Variants in SH3RF3 observed in about 807,000 individuals in gnomAD.
The protein encoded by SH3RF3 is E3 ubiquitin-protein ligase SH3RF3.
SH3RF3 carries 29 observed loss-of-function variants against 66.3 expected under a neutral mutation model. The observed-to-expected ratio is 0.44, with a 90% CI of 0.33 to 0.60. SH3RF3 has a LOEUF of 0.60. Among genes scored for constraint, SH3RF3 ranks in the 20% least tolerant of loss-of-function variants. The pLI is 0.04. For missense variants in SH3RF3, 1,194 were observed against 1,190.9 expected, an observed-to-expected ratio of 1.00 and a Z score of -0.04; for synonymous variants, 583 against 532.0, an observed-to-expected ratio of 1.10 and a Z score of -1.32.
At chr2:109,199,622 T>TCAACCCGAGTGCA (rs1558954001) in intron 1 of SH3RF3, among the ~76,000 whole-genome samples, 2 of 132 alleles carry the variant, frequency 0.015, no homozygotes, top group African/African-American at 0.022. Flanking sequence ...TGGAATGGAA[T>TCAACCCGAGTGCA]GGAATGGAAT....
At chr2:109,133,172 AGGG>A (rs1676736315) in intron 1 of SH3RF3, among the ~76,000 whole-genome samples, 1 of 152,228 alleles carries the variant, frequency 6.6e-6, no homozygotes, top group African/African-American at 2.4e-5. Context: ...GAATTCTGTG[AGGG>A]TTACAAGGAA....
At chr2:109,435,580 T>C (rs1266032351) in intron 6 of SH3RF3, among the ~76,000 whole-genome samples, 1 of 152,196 alleles carries the variant, frequency 6.6e-6, no homozygotes, top group Non-Finnish European at 1.5e-5. Context: ...TATGTGGCTC[T>C]TCCCGTGAGG....
At chr2:109,251,883 G>T (rs942520901) in intron 1 of SH3RF3, among the ~76,000 whole-genome samples, 1 of 152,014 alleles carries the variant, frequency 6.6e-6, no homozygotes, top group South Asian at 2.1e-4. Context: ...TGGGTTCCAG[G>T]GTTCTAGACT....
chr2:109,185,726 C>T (rs894783195), intron 1 of SH3RF3, among the ~76,000 whole-genome samples: 3 of 152,320 alleles, frequency 2.0e-5, no homozygotes, highest in Admixed American at 6.5e-5. Context: ...AAGTGGGAGA[C>T]TTTAGACAGA....
intron 3 of SH3RF3, among the ~76,000 whole-genome samples, chr2:109,380,579 C>T (rs1683488921): frequency 6.6e-6 from 1 of 152,356 alleles, no homozygotes; most frequent in Admixed American, 6.5e-5. Flanking sequence ...AGCCCCTTGT[C>T]CTCGCTGCCA....
intron 1 of SH3RF3, among the ~76,000 whole-genome samples, chr2:109,257,755 C>A (rs1680255463): frequency 6.6e-6 from 1 of 152,090 alleles, no homozygotes. Flanking sequence ...CCAAGGGGCC[C>A]CAAGTGCAGA....
intron 1 of SH3RF3, among the ~76,000 whole-genome samples, chr2:109,147,615 G>T (rs898623966): frequency 6.6e-6 from 1 of 152,182 alleles, no homozygotes; most frequent in Non-Finnish European, 1.5e-5. Context: ...GTCTCATAGC[G>T]TGTTATCGAT....
Position 109,251,767 on chromosome 2 carries a change from T to A in SH3RF3, c.574-95907T>A, listed in dbSNP as rs375054124. The A allele has an allele frequency of 1.6e-5, 9 of 557,702 alleles. No homozygotes were observed. The African/African-American group carries it at 1.7e-4, about 11-fold the overall frequency. 34.5% of individuals were successfully genotyped at this position (557,702 alleles called of 1,614,324 possible). ...AGACTTTTTGTTAAATAAACTTTTGTAATAGTCAAAAAAAGAATTAGATAA... is the reference window on the plus strand; with the variant it reads ...AGACTTTTTGTTAAATAAACTTTTGAAATAGTCAAAAAAAGAATTAGATAA... On this transcript the variant is annotated intron_variant, in intron 1 of 9. Transcript: ENST00000309415.
rs1675923467 is a variant in SH3RF3, at chr2:109,389,530, G to A, written c.946-9060G>A. On this transcript the variant is annotated intron_variant, in intron 3 of 9. Coordinates refer to ENST00000309415, the MANE Select transcript of SH3RF3 (RefSeq NM_001099289.3). ...TCTATTCCGTTTCTTAAAAAGGCCGGTCAGGACCCAATCAATGGATCGTTT... is the reference window on the plus strand; with the variant it reads ...TCTATTCCGTTTCTTAAAAAGGCCGATCAGGACCCAATCAATGGATCGTTT... Among the ~76,000 whole-genome samples the A allele has an allele frequency of 3.9e-5, 6 of 152,262 alleles. No homozygotes were observed. The South Asian group carries it at 1.2e-3, about 32-fold the overall frequency.
intron 1 of SH3RF3, among the ~76,000 whole-genome samples, chr2:109,288,321 C>T (rs114755779): frequency 5.5e-4 from 84 of 152,268 alleles, no homozygotes; most frequent in African/African-American, 1.9e-3. Context: ...GCATGGAGTC[C>T]GGGGAGTTGC....
At chr2:109,472,110 TATTATTA>T (rs922961343) in intron 8 of SH3RF3, among the ~76,000 whole-genome samples, 35 of 152,328 alleles carry the variant, frequency 2.3e-4, no homozygotes, top group African/African-American at 8.4e-4. Flanking sequence ...GATTGTTAAT[TATTATTA>T]ATTAGTTAAT....
chr2:109,419,513 T>C (rs748145787), intron 4 of SH3RF3, 26 bp from the exon 5 acceptor site: 3 of 1,568,554 alleles, frequency 1.9e-6, no homozygotes, highest in South Asian at 2.3e-5. Flanking sequence ...GTCTCCTCAC[T>C]CCTGTCCCCT....
intron 1 of SH3RF3, among the ~76,000 whole-genome samples, chr2:109,238,669 A>G (rs1299103273): frequency 6.6e-6 from 1 of 152,050 alleles, no homozygotes; most frequent in South Asian, 2.1e-4. Flanking sequence ...GGAGGAGGAG[A>G]GTGCTCACAG....
At chr2:109,248,285 T>C (rs955299694) in intron 1 of SH3RF3, among the ~76,000 whole-genome samples, 1 of 152,248 alleles carries the variant, frequency 6.6e-6, no homozygotes, top group African/African-American at 2.4e-5. Context: ...TCTGATGTGC[T>C]CATTTTGGCT....
intron 3 of SH3RF3, among the ~76,000 whole-genome samples, chr2:109,386,393 C>T (rs556344749): frequency 9.2e-5 from 14 of 151,778 alleles, no homozygotes; most frequent in Admixed American, 2.0e-4. Flanking sequence ...ACCAGGGGGC[C>T]GCTATGACTG....
At chr2:109,208,057 G>T (rs1351727690) in intron 1 of SH3RF3, among the ~76,000 whole-genome samples, 1 of 152,160 alleles carries the variant, frequency 6.6e-6, no homozygotes, top group East Asian at 1.9e-4. Flanking sequence ...CAACAATTCT[G>T]CAAATATTTA....
intron 8 of SH3RF3, among the ~76,000 whole-genome samples, chr2:109,461,383 C>T (rs1678205067): frequency 1.3e-5 from 2 of 151,940 alleles, no homozygotes; most frequent in African/African-American, 4.8e-5. Context: ...TCCTAAAGAC[C>T]TGCGCGGTGA....
At chr2:109,170,704 G>A (rs1005087283) in intron 1 of SH3RF3, among the ~76,000 whole-genome samples, 1 of 152,106 alleles carries the variant, frequency 6.6e-6, no homozygotes, top group Non-Finnish European at 1.5e-5. Context: ...GTTGTTATTT[G>A]TTAATTAAAT....
chr2:109,406,365 C>T (rs956571368), intron 4 of SH3RF3, among the ~76,000 whole-genome samples: 1 of 152,008 alleles, frequency 6.6e-6, no homozygotes, highest in African/African-American at 2.4e-5. Flanking sequence ...AGCAGGTGCC[C>T]GAGGACCCTA....
Sources: gnomAD v4.1 joint callset for allele counts (sites outside exome capture counted in the v4.1 genomes callset) on GRCh38, gnomAD v4.1.1 for gene constraint, MANE v1.5 for transcripts, NCBI Gene and HGNC (gene_info 2026-07-23, HGNC 2026-07-21) for gene names.